TENM2: variants seen among roughly 807,000 people sequenced by gnomAD.
The protein encoded by TENM2 is teneurin-2.
TENM2 carries 52 observed loss-of-function variants against 245.2 expected under a neutral mutation model. The ratio of observed to expected loss-of-function variants is 0.21; its 90% CI spans 0.17 to 0.27. The LOEUF is 0.27. Among genes scored for constraint, TENM2 ranks in the 10% least tolerant of loss-of-function variants. The pLI is 1.00. For missense variants in TENM2, 3,046 were observed against 3,666.8 expected (o/e 0.83, Z 4.37); for synonymous variants, 1,363 against 1,438.9 (o/e 0.95, Z 1.19).
chr5:167,438,780 G>A lies in TENM2; in HGVS notation c.502+63307G>A, dbSNP rs536604276. Among the ~76,000 whole-genome samples the A allele has an allele frequency of 4.6e-5, 7 of 152,038 alleles. No homozygotes were observed. The South Asian group carries it at 8.3e-4, about 18-fold the overall frequency. ...GTACTGCTATGAGGAAAACAGGTAAGCGAAGTTTTTTGTTTGATAGTTTGC... is the reference window on the plus strand; with the variant it reads ...GTACTGCTATGAGGAAAACAGGTAAACGAAGTTTTTTGTTTGATAGTTTGC... On this transcript the variant is annotated intron_variant, in intron 2 of 28. Coordinates refer to ENST00000518659, the Ensembl canonical transcript of TENM2.
chr5:167,328,389 A>G (rs1757225258), intron 1 of TENM2, among the ~76,000 whole-genome samples: 1 of 151,732 alleles, frequency 6.6e-6, no homozygotes, highest in East Asian at 1.9e-4. Flanking sequence ...TTGTATTTTT[A>G]GTAGAGATGG....
the TENM2 span, among the ~76,000 whole-genome samples, chr5:167,184,948 A>G: frequency 2.0e-5 from 3 of 152,180 alleles, no homozygotes; most frequent in South Asian, 6.2e-4. Flanking sequence ...GATCCCTCGC[A>G]TGTGCAGTTC....
intron 2 of TENM2, among the ~76,000 whole-genome samples, chr5:167,549,604 C>A (rs1772800885): frequency 6.6e-6 from 1 of 152,014 alleles, no homozygotes; most frequent in African/African-American, 2.4e-5. Flanking sequence ...TCTTCAGATG[C>A]TTTTGTTTTC....
At chr5:167,341,534 G>T (rs1458368046) in intron 1 of TENM2, among the ~76,000 whole-genome samples, 1 of 151,514 alleles carries the variant, frequency 6.6e-6, no homozygotes, top group African/African-American at 2.4e-5. Context: ...TCAGTTAGCT[G>T]GTGCTACTAT....
At chr5:168,262,231 C>A (rs1768257373) in exon 29 of TENM2, 1 of 1,605,054 alleles carries the variant, frequency 6.2e-7, no homozygotes, top group Admixed American at 1.7e-5. Flanking sequence ...GGCGGGTGAC[C>A]ACGGGCGTGT....
chr5:167,830,769 G>A (rs996553222), intron 2 of TENM2, among the ~76,000 whole-genome samples: 5 of 152,026 alleles, frequency 3.3e-5, no homozygotes, highest in Admixed American at 6.5e-5. Context: ...TGCCTCAGAG[G>A]GCTTATTAAA....
intron 13 of TENM2, among the ~76,000 whole-genome samples, chr5:168,185,945 T>TGA (rs1469143483): frequency 2.1e-4 from 1 of 4,778 alleles, no homozygotes; most frequent in East Asian, 0.016. Flanking sequence ...TATATATATA[T>TGA]ATATATATAT....
intron 2 of TENM2, among the ~76,000 whole-genome samples, chr5:167,865,406 T>C (rs1034102256): frequency 4.3e-4 from 65 of 152,150 alleles, no homozygotes; most frequent in African/African-American, 1.5e-3. Flanking sequence ...CCCAAGTAAT[T>C]GGGAGCACAG....
intron 2 of TENM2, among the ~76,000 whole-genome samples, chr5:167,631,106 G>A (rs1582595778): frequency 1.3e-5 from 2 of 152,114 alleles, no homozygotes; most frequent in South Asian, 2.1e-4. Flanking sequence ...AATCGAACTC[G>A]TGGCAGTTTA....
At chr5:167,029,406 T>G in the TENM2 span, among the ~76,000 whole-genome samples, 4 of 152,260 alleles carry the variant, frequency 2.6e-5, no homozygotes, top group South Asian at 8.3e-4. Context: ...GAGCCAATAG[T>G]TAAGGTGAAA....
intron 6 of TENM2, among the ~76,000 whole-genome samples, chr5:168,055,901 G>A (rs1426733415): frequency 2.0e-5 from 3 of 152,170 alleles, no homozygotes; most frequent in Non-Finnish European, 2.9e-5. Flanking sequence ...GCTCCACTGG[G>A]CAACATTGCC....
chr5:167,910,241 T>C (rs1776443048), intron 3 of TENM2, among the ~76,000 whole-genome samples: 2 of 152,126 alleles, frequency 1.3e-5, no homozygotes, highest in Admixed American at 1.3e-4. Flanking sequence ...TGGGAACAGA[T>C]GGAGCCTGTC....
intron 2 of TENM2, among the ~76,000 whole-genome samples, chr5:167,578,462 G>A (rs1774862868): frequency 6.6e-6 from 1 of 152,188 alleles, no homozygotes; most frequent in Admixed American, 6.5e-5. Flanking sequence ...TACTGCAGAT[G>A]TCATGCCCTC....
At chr5:167,397,734 T>C (rs1027098105) in intron 2 of TENM2, among the ~76,000 whole-genome samples, 2 of 152,182 alleles carry the variant, frequency 1.3e-5, no homozygotes, top group Non-Finnish European at 2.9e-5. Flanking sequence ...AGAAATGGTA[T>C]CTGCAATTTG....
chr5:167,651,787 G>A (rs1754486293), intron 2 of TENM2, among the ~76,000 whole-genome samples: 1 of 152,106 alleles, frequency 6.6e-6, no homozygotes, highest in East Asian at 1.9e-4. Flanking sequence ...AGGTCAAAGA[G>A]GTTCTTTCTG....
At chr5:168,023,519 C>T (rs1345631693) in intron 5 of TENM2, among the ~76,000 whole-genome samples, 4 of 152,112 alleles carry the variant, frequency 2.6e-5, no homozygotes, top group East Asian at 1.9e-4. Flanking sequence ...GGCGGGGATG[C>T]GGGGCCTGCC....
the TENM2 span, among the ~76,000 whole-genome samples, chr5:167,021,762 A>G: frequency 2.6e-5 from 4 of 152,310 alleles, no homozygotes; most frequent in East Asian, 7.7e-4. Flanking sequence ...ATAATAGAGT[A>G]AATAGGCTCT....
intron 2 of TENM2, among the ~76,000 whole-genome samples, chr5:167,692,634 T>G (rs1757506120): frequency 6.6e-6 from 1 of 152,192 alleles, no homozygotes; most frequent in African/African-American, 2.4e-5. Context: ...CCACTTCCAG[T>G]TTGTGTATGT....
chr5:168,064,405 G>A (rs1405866048), intron 7 of TENM2, among the ~76,000 whole-genome samples: 2 of 152,100 alleles, frequency 1.3e-5, no homozygotes, highest in Non-Finnish European at 2.9e-5. Context: ...TACCCCCAAA[G>A]CTCTGCTTGC....
Sources: gnomAD v4.1 joint callset for allele counts (sites outside exome capture counted in the v4.1 genomes callset) on GRCh38, gnomAD v4.1.1 for gene constraint, MANE v1.5 for transcripts, NCBI Gene and HGNC (gene_info 2026-07-23, HGNC 2026-07-21) for gene names.